Variants in RNF212B observed in about 807,000 individuals in gnomAD.
RNF212B encodes the protein ring finger protein 212B, also known as E3 ubiquitin-protein ligase RNF212B.
RNF212B carries 52 observed loss-of-function variants against 55.5 expected under a neutral mutation model. The observed-to-expected ratio is 0.94, with a 90% confidence interval of 0.75 to 1.18. RNF212B has a LOEUF of 1.18. Ranked by LOEUF, RNF212B falls within the 50% of genes most tolerant of loss-of-function variation. The pLI is 0.00. For missense variants in RNF212B, 289 were observed against 350.4 expected (o/e 0.82, Z 1.40); for synonymous variants, 99 against 121.4 (o/e 0.82, Z 1.21).
At chr14:23,213,586 G>T (rs1880769182) in intron 2 of RNF212B, among the ~76,000 whole-genome samples, 1 of 152,152 alleles carries the variant, frequency 6.6e-6, no homozygotes, top group Admixed American at 6.5e-5. Flanking sequence ...CCCCGACTCG[G>T]CAGCAAGAAG....
At chr14:23,188,966 C>T (rs1877861153) in intron 1 of RNF212B, among the ~76,000 whole-genome samples, 1 of 152,022 alleles carries the variant, frequency 6.6e-6, no homozygotes, top group South Asian at 2.1e-4. Context: ...CTTGATATAC[C>T]AACTAATTGT....
upstream of RNF212B, among the ~76,000 whole-genome samples, chr14:23,233,444 A>G (rs866697721): frequency 1.5e-4 from 22 of 150,722 alleles, no homozygotes; most frequent in Middle Eastern, 0.014. Context: ...AGAAAATTTT[A>G]TCTGGGTTTG....
At chr14:23,197,779 C>CT (rs34895919) in intron 2 of RNF212B, among the ~76,000 whole-genome samples, 90 of 144,022 alleles carry the variant, frequency 6.2e-4, no homozygotes, top group East Asian at 4.2e-3. Flanking sequence ...GTCTTGTCTT[C>CT]TTTTTTTTTT....
At chr14:23,209,416 G>A (rs1301006673) in intron 2 of RNF212B, among the ~76,000 whole-genome samples, 1 of 152,192 alleles carries the variant, frequency 6.6e-6, no homozygotes, top group African/African-American at 2.4e-5. Flanking sequence ...TTAAGATGGA[G>A]TTGCTCTGGT....
intron 2 of RNF212B, among the ~76,000 whole-genome samples, chr14:23,210,275 G>A (rs1161953705): frequency 6.6e-6 from 1 of 152,158 alleles, no homozygotes; most frequent in African/African-American, 2.4e-5. Flanking sequence ...AAACCGTCAA[G>A]CTCATGAAAC....
chr14:23,262,856 C>T, intron 8 of RNF212B, 72 bp from the exon 9 acceptor site: 1 of 1,480,766 alleles, frequency 6.8e-7, no homozygotes, highest in Non-Finnish European at 9.2e-7. Flanking sequence ...TAACCATGTA[C>T]AACAAATTGG....
intron 2 of RNF212B, among the ~76,000 whole-genome samples, chr14:23,216,031 A>T (rs947575713): frequency 1.3e-5 from 2 of 152,002 alleles, no homozygotes; most frequent in African/African-American, 2.4e-5. Context: ...GGATCACGAG[A>T]TCAGGAGATC....
chr14:23,216,580 A>G (rs10144176), intron 2 of RNF212B, among the ~76,000 whole-genome samples: 1 of 150,758 alleles, frequency 6.6e-6, no homozygotes, highest in Non-Finnish European at 1.5e-5. Flanking sequence ...AAAAAAAAAA[A>G]AATAATAAGG....
At chr14:23,201,934 T>G (rs1456153929) in intron 2 of RNF212B, among the ~76,000 whole-genome samples, 2 of 152,140 alleles carry the variant, frequency 1.3e-5, no homozygotes, top group Admixed American at 1.3e-4. Context: ...CCATAAACCT[T>G]TTATAACCTT....
At chr14:23,262,148 C>A (rs756782427) in intron 7 of RNF212B, among the ~76,000 whole-genome samples, 1 of 152,156 alleles carries the variant, frequency 6.6e-6, no homozygotes, top group South Asian at 2.1e-4. Flanking sequence ...CATTACAACA[C>A]TTAAACACTG....
chr14:23,217,894 C>T (rs1049645868), intron 2 of RNF212B, among the ~76,000 whole-genome samples: 1 of 152,010 alleles, frequency 6.6e-6, no homozygotes, highest in Non-Finnish European at 1.5e-5. Context: ...CTAAATAAGG[C>T]ACCAGGGATC....
intron 9 of RNF212B, among the ~76,000 whole-genome samples, chr14:23,263,393 C>T (rs1222002600): frequency 1.3e-5 from 2 of 152,142 alleles, no homozygotes; most frequent in African/African-American, 4.8e-5. Context: ...ATCTGAAGAT[C>T]CACAATCTAG....
chr14:23,268,532 T>C (rs1264859501), intron 11 of RNF212B, among the ~76,000 whole-genome samples: 2 of 152,220 alleles, frequency 1.3e-5, no homozygotes, highest in African/African-American at 2.4e-5. Context: ...ATTGCTTTTA[T>C]GGAGGAGGAA....
At chr14:23,206,912 T>TA (rs201181337) in intron 2 of RNF212B, among the ~76,000 whole-genome samples, 129 of 143,518 alleles carry the variant, frequency 9.0e-4, no homozygotes, top group East Asian at 3.6e-3. Context: ...AAACTTTCGT[T>TA]AAAAAAAAAA....
chr14:23,206,616 C>CA (rs1954456413), intron 2 of RNF212B, among the ~76,000 whole-genome samples: 1 of 152,098 alleles, frequency 6.6e-6, no homozygotes. Flanking sequence ...CAAACCTAGG[C>CA]AGTTGTCAGC....
At chr14:23,220,268 A>T (rs113374158) in intron 2 of RNF212B, among the ~76,000 whole-genome samples, 1,929 of 152,186 alleles carry the variant, frequency 0.013, 41 homozygotes, top group African/African-American at 0.042. Context: ...AAGGTGGCTT[A>T]TGCCTGTAAT....
intron 4 of RNF212B, among the ~76,000 whole-genome samples, chr14:23,244,652 T>A (rs892605691): frequency 2.4e-4 from 36 of 152,352 alleles, no homozygotes; most frequent in African/African-American, 8.4e-4. Flanking sequence ...AATTAATTTC[T>A]ACGACTAAAG....
chr14:23,221,233 G>GAAAAAAAA, intron 2 of RNF212B, among the ~76,000 whole-genome samples: 1 of 116,138 alleles, frequency 8.6e-6, no homozygotes. Context: ...CTGAAAATAG[G>GAAAAAAAA]AAAAAAAAAA....
chr14:23,254,285 T>C (rs1566431833), intron 4 of RNF212B, among the ~76,000 whole-genome samples: 1 of 96,570 alleles, frequency 1.0e-5, no homozygotes, highest in Non-Finnish European at 2.1e-5. Context: ...ACTCTTTATC[T>C]CAAAAACAAA....
Sources: allele counts gnomAD v4.1 joint callset (sites outside exome capture counted in the v4.1 genomes callset), GRCh38; gene constraint gnomAD v4.1.1; transcripts MANE v1.5; gene names NCBI Gene and HGNC (gene_info 2026-07-23, HGNC 2026-07-21).